ARHGAP24: variants seen among roughly 807,000 people sequenced by gnomAD.
The protein encoded by ARHGAP24 is Rho GTPase activating protein 24, also known as rho GTPase-activating protein 24.
In ARHGAP24, 50 loss-of-function variants were observed where a neutral mutation model predicts 76.4. The observed-to-expected ratio is 0.65, with a 90% CI of 0.52 to 0.83. The LOEUF is 0.83. Among genes scored for constraint, ARHGAP24 ranks in the 40% least tolerant of loss-of-function variants. The pLI is 0.00. For synonymous variants in ARHGAP24, 345 were observed against 323.3 expected (o/e 1.07, Z -0.72); for missense variants, 930 against 914.2 (o/e 1.02, Z -0.22).
intron 2 of ARHGAP24, among the ~76,000 whole-genome samples, chr4:85,599,002 T>A (rs1049851003): frequency 9.2e-5 from 14 of 152,224 alleles, no homozygotes; most frequent in Admixed American, 4.6e-4. Context: ...TTAATTTACT[T>A]TTTGTACTGA....
intron 1 of ARHGAP24, among the ~76,000 whole-genome samples, chr4:85,514,418 A>T (rs1280652488): frequency 2.0e-5 from 3 of 152,058 alleles, no homozygotes; most frequent in Non-Finnish European, 4.4e-5. Context: ...TAGTACTTTT[A>T]TGATTTTATT....
intron 3 of ARHGAP24, among the ~76,000 whole-genome samples, chr4:85,913,042 T>G (rs1735173954): frequency 6.6e-6 from 1 of 152,080 alleles, no homozygotes; most frequent in African/African-American, 2.4e-5. Context: ...CATTATCAAT[T>G]TTTCCCTCTC....
chr4:85,765,953 T>G (rs1726917662), intron 3 of ARHGAP24, among the ~76,000 whole-genome samples: 1 of 152,212 alleles, frequency 6.6e-6, no homozygotes, highest in African/African-American at 2.4e-5. Flanking sequence ...TAAATTTTTT[T>G]GCCAGCAGGA....
chr4:85,613,336 T>C (rs2109997844), intron 2 of ARHGAP24, among the ~76,000 whole-genome samples: 1 of 152,330 alleles, frequency 6.6e-6, no homozygotes, highest in Admixed American at 6.5e-5. Flanking sequence ...TTAACTGCTA[T>C]ATAATATTCC....
chr4:85,929,176 G>C (rs1240638517), intron 4 of ARHGAP24, among the ~76,000 whole-genome samples: 1 of 152,182 alleles, frequency 6.6e-6, no homozygotes, highest in African/African-American at 2.4e-5. Flanking sequence ...CACTGTCTCT[G>C]TCTTCGTGGT....
At chr4:85,615,875 G>A (rs560636835) in intron 2 of ARHGAP24, among the ~76,000 whole-genome samples, 15 of 152,298 alleles carry the variant, frequency 9.8e-5, no homozygotes, top group African/African-American at 3.6e-4. Flanking sequence ...TGTAAACTCT[G>A]CAAAAGCATG....
At chr4:85,720,805 A>G (rs1269842978) in intron 2 of ARHGAP24, among the ~76,000 whole-genome samples, 2 of 151,044 alleles carry the variant, frequency 1.3e-5, no homozygotes, top group African/African-American at 5.0e-5. Context: ...AAACAAAGAA[A>G]CAAAGGAAAG....
intron 3 of ARHGAP24, among the ~76,000 whole-genome samples, chr4:85,833,176 A>G (rs946731470): frequency 1.3e-5 from 2 of 151,720 alleles, no homozygotes; most frequent in African/African-American, 4.8e-5. Flanking sequence ...AAGTACCATC[A>G]CTCTCTCTGG....
intron 3 of ARHGAP24, among the ~76,000 whole-genome samples, chr4:85,807,151 G>A (rs563941302): frequency 7.2e-5 from 11 of 152,084 alleles, no homozygotes; most frequent in African/African-American, 2.4e-4. Flanking sequence ...AGATAGATGT[G>A]CAGAACGTGC....
intron 3 of ARHGAP24, among the ~76,000 whole-genome samples, chr4:85,818,899 T>G (rs1265885338): frequency 1.3e-5 from 2 of 152,198 alleles, no homozygotes; most frequent in African/African-American, 2.4e-5. Flanking sequence ...TCCTCATTCT[T>G]TGTCTTTCCT....
intron 8 of ARHGAP24, among the ~76,000 whole-genome samples, chr4:85,985,496 G>A (rs115826907): frequency 0.021 from 3,264 of 152,252 alleles, 137 homozygotes; most frequent in African/African-American, 0.076. Flanking sequence ...TGGATAATGG[G>A]AGGAGGGAGA....
intron 8 of ARHGAP24, chr4:85,991,710 G>C (rs1045765479): frequency 1.3e-5 from 2 of 154,466 alleles, no homozygotes; most frequent in African/African-American, 4.8e-5. Flanking sequence ...GCAGGGAACT[G>C]ACTCCAAAGA....
intron 3 of ARHGAP24, among the ~76,000 whole-genome samples, chr4:85,728,867 G>A (rs556758121): frequency 1.6e-4 from 24 of 152,252 alleles, no homozygotes; most frequent in African/African-American, 1.7e-4. Context: ...AATAAATAAC[G>A]TCATTGGCTA....
chr4:85,837,445 G>A (rs1730350889), intron 3 of ARHGAP24, among the ~76,000 whole-genome samples: 2 of 152,068 alleles, frequency 1.3e-5, no homozygotes, highest in African/African-American at 4.8e-5. Context: ...CAAGGTCTTT[G>A]CACGTCCCTA....
At chr4:85,543,067 G>T (rs1725768523) in intron 1 of ARHGAP24, among the ~76,000 whole-genome samples, 1 of 152,164 alleles carries the variant, frequency 6.6e-6, no homozygotes, top group Admixed American at 6.5e-5. Flanking sequence ...TAAGAAAGAG[G>T]CAAGGACGAG....
At chr4:85,727,615 A>G (rs748961221) in intron 3 of ARHGAP24, among the ~76,000 whole-genome samples, 1 of 152,158 alleles carries the variant, frequency 6.6e-6, no homozygotes, top group African/African-American at 2.4e-5. Flanking sequence ...ATTCTCTTTC[A>G]TTACCGAGTA....
At chr4:85,518,511 A>G (rs575307662) in intron 1 of ARHGAP24, among the ~76,000 whole-genome samples, 2 of 151,928 alleles carry the variant, frequency 1.3e-5, no homozygotes, top group Non-Finnish European at 2.9e-5. Context: ...TTTATGCCCC[A>G]CCCGCCTCCC....
chr4:85,612,792 C>CTTTTTTTTTT lies in ARHGAP24; in HGVS notation c.180+42084_180+42093dup, dbSNP rs70948739. On this transcript the variant is annotated intron_variant, in intron 2 of 9. Coordinates refer to ENST00000395184, the MANE Select transcript of ARHGAP24 (RefSeq NM_001025616.3). ...AGCTAAAGCCCTATCCTTTCCATTC[C>CTTTTTTTTTT]TTTTTTTTTTTTTTTTTTTTTTGTG... 2.4e-3 allele frequency among the ~76,000 whole-genome samples: 195 copies of CTTTTTTTTTT among 82,794 alleles called. 8 individuals are homozygous for CTTTTTTTTTT. The highest frequency in any genetic ancestry group is 5.7e-3 in the East Asian group (13 of 2,286). The allele number at this position is 82,794 out of a possible 152,430, so 54.3% of individuals were successfully genotyped here.
At chr4:85,669,685 ATATATATG>A (rs1198548645) in intron 2 of ARHGAP24, among the ~76,000 whole-genome samples, 5 of 81,646 alleles carry the variant, frequency 6.1e-5, no homozygotes, top group Admixed American at 1.7e-4. Context: ...ATATATATAT[ATATATATG>A]TGATATATAT....
Sources: gnomAD v4.1 joint callset for allele counts (sites outside exome capture counted in the v4.1 genomes callset) on GRCh38, gnomAD v4.1.1 for gene constraint, MANE v1.5 for transcripts, NCBI Gene and HGNC (gene_info 2026-07-23, HGNC 2026-07-21) for gene names.